Variants in KCNK10 observed in about 807,000 individuals in gnomAD.
The protein encoded by KCNK10 is potassium channel subfamily K member 10.
Under a neutral mutation model 47.7 loss-of-function variants are expected in KCNK10, and 25 were observed. The ratio of observed to expected loss-of-function variants is 0.52; its 90% CI spans 0.38 to 0.73. The LOEUF (loss-of-function observed/expected upper bound fraction) is 0.73, where lower values mean the gene tolerates loss of function less well. KCNK10 is among the 30% of genes least tolerant of loss of function. KCNK10 has a pLI of 0.00. For synonymous variants in KCNK10, 303 were observed against 285.6 expected (o/e 1.06, Z -0.61); for missense variants, 563 against 714.5 (o/e 0.79, Z 2.42).
chr14:88,284,156 C>T (rs191276721), intron 1 of KCNK10, among the ~76,000 whole-genome samples: 199 of 152,012 alleles, frequency 1.3e-3, no homozygotes, highest in Non-Finnish European at 2.1e-3. Flanking sequence ...TTTTAGGACC[C>T]AAAAGATTCA....
At position 88,181,601 on chromosome 14, in the gene KCNK10, A is replaced by G. The variant is rs1416593045; in HGVS notation, c.*3934T>C. The G allele has an allele frequency of 6.6e-6, 1 of 152,252 alleles. No homozygotes were observed. Among genetic ancestry groups the G allele is most frequent in the Non-Finnish European group, 1.5e-5 (1 of 68,032 alleles). 9.4% of individuals were successfully genotyped at this position (152,252 alleles called of 1,614,324 possible). On this transcript the variant is annotated 3_prime_UTR_variant, in exon 7 of 7. Coordinates refer to ENST00000319231, the MANE Select transcript of KCNK10 (RefSeq NM_138317.3). ...TGAGCCCTCCCGGTGACAGTACACT[A>G]AAGAGCTATAAGGGAGGATAGAGAG...
At chr14:88,297,890 G>A (rs1322170649) in intron 1 of KCNK10, among the ~76,000 whole-genome samples, 1 of 152,202 alleles carries the variant, frequency 6.6e-6, no homozygotes, top group Admixed American at 6.5e-5. Context: ...ACGTTTCTCT[G>A]AGGAAATTTC....
intron 1 of KCNK10, among the ~76,000 whole-genome samples, chr14:88,286,599 T>C (rs1404307062): frequency 1.3e-5 from 2 of 152,140 alleles, no homozygotes; most frequent in Non-Finnish European, 2.9e-5. Context: ...AATTAATTTA[T>C]AAAGAAAAAG....
intron 4 of KCNK10, among the ~76,000 whole-genome samples, chr14:88,205,982 G>T (rs1885261951): frequency 6.6e-6 from 1 of 152,042 alleles, no homozygotes; most frequent in South Asian, 2.1e-4. Context: ...TTATAATTTG[G>T]AATTCTAGTA....
rs10151326 is a variant in KCNK10, at chr14:88,233,903, C to T, written c.521-6368G>A. Among the ~76,000 whole-genome samples the T allele has an allele frequency of 9.2e-3, 1,407 of 152,296 alleles. 27 individuals are homozygous for T. Among genetic ancestry groups the T allele is most frequent in the African/African-American group, 0.032 (1,339 of 41,550 alleles). Reference sequence around the variant, plus strand: ...AAAATTAGGAGTTTCCTTCAATATACACACTAATGTCTCATGAATCCAATA... The same window carrying T: ...AAAATTAGGAGTTTCCTTCAATATATACACTAATGTCTCATGAATCCAATA... On this transcript the variant is annotated intron_variant, in intron 3 of 6. Transcript: ENST00000319231.
At chr14:88,242,350 T>C (rs111535724) in intron 2 of KCNK10, among the ~76,000 whole-genome samples, 2,385 of 152,272 alleles carry the variant, frequency 0.016, 32 homozygotes, top group Non-Finnish European at 0.023. Context: ...CCACATATGG[T>C]TCTCTGTTGT....
At chr14:88,305,092 G>A (rs1207435878) in intron 1 of KCNK10, among the ~76,000 whole-genome samples, 1 of 151,994 alleles carries the variant, frequency 6.6e-6, no homozygotes, top group African/African-American at 2.4e-5. Context: ...CCAGCTACTC[G>A]GTAGGCTGAA....
chr14:88,212,174 C>A (rs1885485082), intron 4 of KCNK10, among the ~76,000 whole-genome samples: 1 of 147,282 alleles, frequency 6.8e-6, no homozygotes, highest in African/African-American at 2.5e-5. Flanking sequence ...GGCATGGTGG[C>A]TTATGCCTAT....
rs1340445886 is a variant in KCNK10 at position 88,210,674 on chromosome 14, AC to A, written c.681+16700del. Among the ~76,000 whole-genome samples, 3 of 152,124 alleles carry A rather than the reference AC, an allele frequency of 2.0e-5. No homozygotes were observed. The East Asian group carries it at 5.8e-4, about 29-fold the overall frequency. ...GCTGTAGGTTAGGGCAGGGAGGGAG[AC>A]AGGGAAGGTGCAAGAGGGAAGCAAG... On this transcript the variant is annotated intron_variant, in intron 4 of 6. Transcript: ENST00000319231.
chr14:88,274,549 T>TA lies in KCNK10; in HGVS notation c.53-10999dup, dbSNP rs3994047. 3.0e-4 allele frequency among the ~76,000 whole-genome samples: 12 copies of TA among 40,504 alleles called. 2 individuals carry two copies. Among genetic ancestry groups the TA allele is most frequent in the African/African-American group, 1.3e-3 (12 of 9,490 alleles). The allele number at this position is 40,504 out of a possible 152,430, so 26.6% of individuals were successfully genotyped here. ...CTGGGTGACAGAGTGAGACTCTATC[T>TA]AAAAAAAAAAAAAAAAAGATCTTAT... On this transcript the variant is annotated intron_variant, in intron 1 of 6. Coordinates refer to ENST00000319231, the MANE Select transcript of KCNK10 (RefSeq NM_138317.3).
chr14:88,181,782 T>A lies in KCNK10; in HGVS notation c.*3753A>T, dbSNP rs1884368424. ...CAATTAATTAGTCATTATTCACAAA[T>A]CCAACTTATAATTTAATCTTAATAA... On this transcript the variant is annotated 3_prime_UTR_variant, in exon 7 of 7. Transcript: ENST00000319231. 1 of 152,222 alleles carries A rather than the reference T, an allele frequency of 6.6e-6. No individual in the cohort carries two copies. The highest frequency in any genetic ancestry group is 1.5e-5 in the Non-Finnish European group (1 of 68,018). 9.4% of individuals were successfully genotyped at this position (152,222 alleles called of 1,614,324 possible). A position where few individuals can be genotyped will look rare whatever the true frequency, so the allele number is the denominator to read the frequency against.
intron 1 of KCNK10, among the ~76,000 whole-genome samples, chr14:88,319,347 C>T (rs946493928): frequency 9.2e-5 from 14 of 152,184 alleles, no homozygotes; most frequent in African/African-American, 3.4e-4. Context: ...CCCATGAGAG[C>T]ACCTCCGCCT....
chr14:88,302,954 A>G (rs893239605), intron 1 of KCNK10, among the ~76,000 whole-genome samples: 1 of 152,212 alleles, frequency 6.6e-6, no homozygotes, highest in Non-Finnish European at 1.5e-5. Flanking sequence ...TCACAGACTC[A>G]GGGGATGAAT....
At chr14:88,265,449 C>T (rs1215079859) in intron 1 of KCNK10, among the ~76,000 whole-genome samples, 4 of 152,146 alleles carry the variant, frequency 2.6e-5, no homozygotes, top group Non-Finnish European at 5.9e-5. Flanking sequence ...AAGGATCCTC[C>T]CCTAGAGCCT....
intron 5 of KCNK10, among the ~76,000 whole-genome samples, chr14:88,188,761 T>C (rs1381045992): frequency 6.6e-6 from 1 of 152,200 alleles, no homozygotes; most frequent in African/African-American, 2.4e-5. Flanking sequence ...ATCCCTTTAT[T>C]TTATAAATAA....
chr14:88,295,182 C>A (rs1009877940), intron 1 of KCNK10, among the ~76,000 whole-genome samples: 3 of 152,126 alleles, frequency 2.0e-5, no homozygotes, highest in South Asian at 4.1e-4. Context: ...AGATTATTTC[C>A]CCTAAATTAA....
chr14:88,290,792 G>A (rs1390008149), intron 1 of KCNK10, among the ~76,000 whole-genome samples: 1 of 152,162 alleles, frequency 6.6e-6, no homozygotes, highest in African/African-American at 2.4e-5. Flanking sequence ...TGGCCACAAG[G>A]AAACAACAAA....
intron 4 of KCNK10, among the ~76,000 whole-genome samples, chr14:88,211,142 G>C (rs936391511): frequency 6.6e-6 from 1 of 152,166 alleles, no homozygotes; most frequent in South Asian, 2.1e-4. Context: ...GCAAAATGTG[G>C]TATATACAGA....
intron 2 of KCNK10, among the ~76,000 whole-genome samples, chr14:88,261,612 G>A (rs1188047757): frequency 6.6e-6 from 1 of 152,130 alleles, no homozygotes; most frequent in East Asian, 1.9e-4. Flanking sequence ...AAAGTAGCCA[G>A]GCATGGTGGC....
Sources: gnomAD v4.1 joint callset for allele counts (sites outside exome capture counted in the v4.1 genomes callset) on GRCh38, gnomAD v4.1.1 for gene constraint, MANE v1.5 for transcripts, NCBI Gene and HGNC (gene_info 2026-07-23, HGNC 2026-07-21) for gene names.